SASS6: variants seen among roughly 807,000 people sequenced by gnomAD.
SASS6 encodes the protein spindle assembly abnormal protein 6 homolog.
A neutral mutation model predicts 94.9 loss-of-function variants in SASS6; 59 were observed. The ratio of observed to expected loss-of-function variants is 0.62; its 90% CI spans 0.50 to 0.77. The LOEUF (loss-of-function observed/expected upper bound fraction) is 0.77, where lower values mean the gene tolerates loss of function less well. SASS6 is among the 30% of genes least tolerant of loss of function. The pLI is 0.00. For synonymous variants in SASS6, 264 were observed against 270.0 expected, an observed-to-expected ratio of 0.98 and a Z score of 0.22; for missense variants, 698 against 734.1, an observed-to-expected ratio of 0.95 and a Z score of 0.57.
intron 14 of SASS6, among the ~76,000 whole-genome samples, chr1:100,094,629 C>T (rs1311280583): frequency 6.6e-6 from 1 of 151,878 alleles, no homozygotes; most frequent in African/African-American, 2.4e-5. Context: ...CCGAGGTGGG[C>T]GGATCACCCA....
chr1:100,130,075 T>C (rs927969581), intron 1 of SASS6, among the ~76,000 whole-genome samples: 5 of 152,172 alleles, frequency 3.3e-5, no homozygotes, highest in African/African-American at 1.2e-4. Context: ...AACTTAAAGA[T>C]GAGACACAGA....
At chr1:100,130,777 G>T (rs1032464911) in intron 1 of SASS6, among the ~76,000 whole-genome samples, 1 of 151,996 alleles carries the variant, frequency 6.6e-6, no homozygotes, top group African/African-American at 2.4e-5. Context: ...TCTGTAAAGG[G>T]CCAGATAGCA....
chr1:100,119,360 A>G (rs140215624), intron 6 of SASS6, among the ~76,000 whole-genome samples: 2 of 152,368 alleles, frequency 1.3e-5, no homozygotes, highest in Non-Finnish European at 1.5e-5. Flanking sequence ...AAGATTAACT[A>G]TCTTTTAATT....
chr1:100,131,798 T>G (rs1029694000), intron 1 of SASS6, among the ~76,000 whole-genome samples: 1 of 152,240 alleles, frequency 6.6e-6, no homozygotes, highest in Non-Finnish European at 1.5e-5. Context: ...ATGTTACATT[T>G]GTACACCACT....
At chr1:100,118,257 G>A (rs907394450) in intron 7 of SASS6, among the ~76,000 whole-genome samples, 3 of 151,994 alleles carry the variant, frequency 2.0e-5, no homozygotes, top group African/African-American at 4.8e-5. Flanking sequence ...AGAGGTTACA[G>A]TGAGCCGAGA....
intron 14 of SASS6, among the ~76,000 whole-genome samples, chr1:100,098,271 G>C (rs555336246): frequency 6.6e-6 from 1 of 151,496 alleles, no homozygotes; most frequent in East Asian, 2.0e-4. Context: ...AAAAAAAAAC[G>C]AATAAAAGAA....
chr1:100,086,266 T>A (rs567191552), intron 15 of SASS6, among the ~76,000 whole-genome samples: 1 of 152,244 alleles, frequency 6.6e-6, no homozygotes, highest in Admixed American at 6.5e-5. Flanking sequence ...TAAAATTAAA[T>A]GATGGTTGCT....
intron 7 of SASS6, among the ~76,000 whole-genome samples, chr1:100,115,909 T>C (rs1222788865): frequency 6.6e-6 from 1 of 152,162 alleles, no homozygotes; most frequent in Non-Finnish European, 1.5e-5. Context: ...AATTCTACCT[T>C]ATATTATACT....
At chr1:100,131,874 C>A (rs2101701033) in intron 1 of SASS6, among the ~76,000 whole-genome samples, 1 of 152,280 alleles carries the variant, frequency 6.6e-6, no homozygotes, top group African/African-American at 2.4e-5. Flanking sequence ...AAAGATTTCA[C>A]ACCTGATCCT....
intron 14 of SASS6, among the ~76,000 whole-genome samples, chr1:100,100,609 G>A (rs1419376256): frequency 6.6e-6 from 1 of 152,104 alleles, no homozygotes; most frequent in Non-Finnish European, 1.5e-5. Flanking sequence ...TATTCTTTCA[G>A]CATTATTTTG....
intron 2 of SASS6, 93 bp downstream of exon 2, chr1:100,125,789 T>G (rs1654574226): frequency 2.7e-6 from 2 of 740,538 alleles, no homozygotes; most frequent in African/African-American, 3.7e-5. Context: ...AAAAGCAAAA[T>G]AAATGCAATA....
intron 7 of SASS6, among the ~76,000 whole-genome samples, chr1:100,116,157 A>C (rs1177483967): frequency 6.6e-6 from 1 of 152,198 alleles, no homozygotes; most frequent in Non-Finnish European, 1.5e-5. Flanking sequence ...TTTATAATGT[A>C]CATGATAGAT....
At position 100,123,283 on chromosome 1, in the gene SASS6, C is replaced by T. The variant is rs145682242; in HGVS notation, c.133G>A (p.Val45Ile). Reference protein sequence around the residue: ...VSNPVHRKDLVIRLTDDTDPF... With the variant: ...VSNPVHRKDLIIRLTDDTDPF... ...TCCGTGTCATCAGTCAGACGAATAACTAAGTCCTAAAAGAAAGTTTGTTGT... is the reference window on the plus strand; with the variant it reads ...TCCGTGTCATCAGTCAGACGAATAATTAAGTCCTAAAAGAAAGTTTGTTGT... The change falls in exon 3 of 17, where the codon GTT (valine) becomes ATT (isoleucine). Residue 45 changes from valine to isoleucine, a missense_variant. Val to Ile is a conservative substitution (Grantham distance 29). Transcript: ENST00000287482. 1 of 1,510,910 alleles carries T rather than the reference C, an allele frequency of 6.6e-7. No homozygotes were observed. Among genetic ancestry groups the T allele is most frequent in the Non-Finnish European group, 9.1e-7 (1 of 1,098,484 alleles). The allele number at this position is 1,510,910 out of a possible 1,614,324, so 93.6% of individuals were successfully genotyped here.
chr1:100,094,652 A>G (rs1306615467), intron 14 of SASS6, among the ~76,000 whole-genome samples: 1 of 152,076 alleles, frequency 6.6e-6, no homozygotes, highest in Non-Finnish European at 1.5e-5. Flanking sequence ...TCTGACCTTG[A>G]GCTCAGAAGT....
Position 100,104,323 on chromosome 1 carries a change from T to C in SASS6, c.1546-1240A>G, listed in dbSNP as rs547055415. On this transcript the variant is annotated intron_variant, in intron 13 of 16. Coordinates refer to ENST00000287482, the MANE Select transcript of SASS6 (RefSeq NM_194292.3). ...ACAGAGTAACCTTGCCTGATGTTAA[T>C]ATTCCATGAAATTGTTGTGTTCAAC... Among the ~76,000 whole-genome samples the C allele has an allele frequency of 3.3e-5, 5 of 152,332 alleles. No individual in the cohort carries two copies. The South Asian group carries it at 1.0e-3, about 32-fold the overall frequency.
intron 7 of SASS6, among the ~76,000 whole-genome samples, chr1:100,115,906 C>A (rs1467522084): frequency 6.6e-6 from 1 of 152,032 alleles, no homozygotes; most frequent in Non-Finnish European, 1.5e-5. Context: ...AAAAATTCTA[C>A]CTTATATTAT....
At chr1:100,122,235 G>A (rs1426550101) in intron 4 of SASS6, 145 bp downstream of exon 4, 1 of 433,670 alleles carries the variant, frequency 2.3e-6, no homozygotes, top group East Asian at 3.7e-5. Flanking sequence ...CTTAAAGTCT[G>A]AGATTTAATG....
intron 13 of SASS6, among the ~76,000 whole-genome samples, chr1:100,104,349 A>T (rs189052680): frequency 1.9e-4 from 29 of 152,366 alleles, no homozygotes; most frequent in Non-Finnish European, 2.8e-4. Flanking sequence ...TGTGTTCAAC[A>T]GGAGAGCCCC....
chr1:100,091,037 G>A (rs568358809), intron 14 of SASS6, among the ~76,000 whole-genome samples: 3 of 152,260 alleles, frequency 2.0e-5, no homozygotes, highest in Admixed American at 6.5e-5. Flanking sequence ...AGGCATGGTG[G>A]CTCACGCATG....
Sources: gnomAD v4.1 joint callset for allele counts (sites outside exome capture counted in the v4.1 genomes callset) on GRCh38, gnomAD v4.1.1 for gene constraint, MANE v1.5 for transcripts, NCBI Gene and HGNC (gene_info 2026-07-23, HGNC 2026-07-21) for gene names.